LINGO2: variants seen among roughly 807,000 people sequenced by gnomAD.
LINGO2 encodes leucine-rich repeat and immunoglobulin-like domain-containing nogo receptor-interacting protein 2.
In LINGO2, 14 loss-of-function variants were observed where a neutral mutation model predicts 30.6. The observed-to-expected ratio is 0.46, with a 90% CI of 0.30 to 0.72. The LOEUF (loss-of-function observed/expected upper bound fraction) is 0.72. LINGO2 is among the 30% of genes least tolerant of loss of function. LINGO2 has a pLI of 0.07. For synonymous variants in LINGO2, 317 were observed against 288.5 expected, an observed-to-expected ratio of 1.10 and a Z score of -1.00; for missense variants, 729 against 751.7, an observed-to-expected ratio of 0.97 and a Z score of 0.35.
Position 27,956,299 on chromosome 9 carries a change from C to T in LINGO2, c.-35-5593G>A, listed in dbSNP as rs57091395. Among the ~76,000 whole-genome samples, 824 of 152,198 alleles carry T rather than the reference C, an allele frequency of 5.4e-3. 8 individuals are homozygous for T. The highest frequency in any genetic ancestry group is 0.019 in the African/African-American group (785 of 41,528). On this transcript the variant is annotated intron_variant, in intron 5 of 5. Coordinates refer to ENST00000379992, the Ensembl canonical transcript of LINGO2. ...GACTATATTATCTCTTTGCATTTTC[C>T]TCATAACTAGTGATGCTGAGCATCT...
chr9:28,350,652 A>AC (rs1819830812), intron 3 of LINGO2, among the ~76,000 whole-genome samples: 1 of 151,794 alleles, frequency 6.6e-6, no homozygotes, highest in African/African-American at 2.4e-5. Flanking sequence ...AAGCGGACCT[A>AC]ATAGGCATCT....
Position 28,512,669 on chromosome 9 carries a change from A to ATATCTATCTATC in LINGO2, c.-364-36656_-364-36645dup, listed in dbSNP as rs35627400. ...TACATACACACACACACACATATGG[A>ATATCTATCTATC]TATCTATCTATCTATCTATCTATCT... On this transcript the variant is annotated intron_variant, in intron 1 of 5. Coordinates refer to ENST00000379992, the Ensembl canonical transcript of LINGO2. Among the ~76,000 whole-genome samples the ATATCTATCTATC allele has an allele frequency of 7.2e-3, 920 of 126,938 alleles. 12 individuals are homozygous for ATATCTATCTATC. Among genetic ancestry groups the ATATCTATCTATC allele is most frequent in the Middle Eastern group, 0.012 (3 of 250 alleles). The allele number at this position is 126,938 out of a possible 152,430, so 83.3% of individuals were successfully genotyped here. A position where few individuals can be genotyped will look rare whatever the true frequency, so the allele number is the denominator to read the frequency against.
the LINGO2 span, among the ~76,000 whole-genome samples, chr9:29,201,562 C>G: frequency 6.6e-6 from 1 of 151,936 alleles, no homozygotes; most frequent in Non-Finnish European, 1.5e-5. Context: ...AAATCAAACT[C>G]ATATTATATT....
At chr9:28,034,335 G>A (rs1419927077) in intron 4 of LINGO2, among the ~76,000 whole-genome samples, 1 of 152,196 alleles carries the variant, frequency 6.6e-6, no homozygotes, top group Non-Finnish European at 1.5e-5. Flanking sequence ...TTGTGATCTT[G>A]TTCCCTCTTA....
rs145182640 is a variant in LINGO2 at position 28,064,404 on chromosome 9, C to T, written c.-86-51999G>A. Among the ~76,000 whole-genome samples the T allele has an allele frequency of 1.7e-3, 266 of 152,098 alleles. 1 individual carries two copies. Among genetic ancestry groups the T allele is most frequent in the African/African-American group, 6.3e-3 (260 of 41,504 alleles). On this transcript the variant is annotated intron_variant, in intron 4 of 5. Coordinates refer to ENST00000379992, the Ensembl canonical transcript of LINGO2. ...AAGTCCTCTCTGAGCAGAAATGGGA[C>T]GAAGCCAGGCAGGTCTGCATTGACG...
chr9:28,333,283 T>C (rs1825484970), intron 3 of LINGO2, among the ~76,000 whole-genome samples: 1 of 152,218 alleles, frequency 6.6e-6, no homozygotes, highest in Non-Finnish European at 1.5e-5. Context: ...ATAAAAAATA[T>C]CTACAGTTGC....
chr9:28,844,474 T>G, the LINGO2 span, among the ~76,000 whole-genome samples: 1 of 151,910 alleles, frequency 6.6e-6, no homozygotes, highest in East Asian at 1.9e-4. Flanking sequence ...TTTTAAACAT[T>G]GGATAAAAAG....
intron 4 of LINGO2, among the ~76,000 whole-genome samples, chr9:28,219,741 C>T (rs1217224470): frequency 6.6e-6 from 1 of 152,082 alleles, no homozygotes; most frequent in African/African-American, 2.4e-5. Flanking sequence ...AAAGTATGTT[C>T]TATTGAACAG....
At chr9:28,357,921 C>T (rs868383974) in intron 3 of LINGO2, among the ~76,000 whole-genome samples, 2 of 151,714 alleles carry the variant, frequency 1.3e-5, no homozygotes, top group Non-Finnish European at 2.9e-5. Context: ...CAAATAAATC[C>T]AACAATTTAA....
intron 3 of LINGO2, among the ~76,000 whole-genome samples, chr9:28,315,877 G>A (rs769214011): frequency 5.3e-5 from 8 of 152,104 alleles, no homozygotes; most frequent in Non-Finnish European, 7.4e-5. Context: ...TAATAATAGC[G>A]TAAGATTTGT....
chr9:28,813,131 G>C, the LINGO2 span, among the ~76,000 whole-genome samples: 1 of 150,382 alleles, frequency 6.6e-6, no homozygotes, highest in South Asian at 2.1e-4. Context: ...GAGCACTCCA[G>C]ATTTTGAGGT....
intron 3 of LINGO2, among the ~76,000 whole-genome samples, chr9:28,370,391 G>A (rs1820847363): frequency 2.6e-5 from 4 of 152,006 alleles, no homozygotes; most frequent in Middle Eastern, 3.4e-3. Context: ...ATCTTTCTTT[G>A]GTTTCTGGTT....
At chr9:28,994,835 G>C in the LINGO2 span, among the ~76,000 whole-genome samples, 2 of 152,162 alleles carry the variant, frequency 1.3e-5, no homozygotes, top group African/African-American at 2.4e-5. Context: ...GCTGAAACTG[G>C]ATCCCTTCCT....
the LINGO2 span, among the ~76,000 whole-genome samples, chr9:28,717,445 G>C: frequency 6.6e-6 from 1 of 151,862 alleles, no homozygotes; most frequent in Non-Finnish European, 1.5e-5. Flanking sequence ...GTAGGGGTGA[G>C]GTAAGTGGAG....
At chr9:28,977,801 GC>G in the LINGO2 span, among the ~76,000 whole-genome samples, 7 of 152,218 alleles carry the variant, frequency 4.6e-5, no homozygotes, top group East Asian at 5.8e-4. Flanking sequence ...TCAAAAAACT[GC>G]TTCTGACACA....
intron 2 of LINGO2, among the ~76,000 whole-genome samples, chr9:28,449,573 G>A (rs564384880): frequency 1.3e-4 from 20 of 152,046 alleles, no homozygotes; most frequent in East Asian, 3.9e-4. Context: ...CAAGTTACTC[G>A]TCTACTAAAG....
intron 4 of LINGO2, among the ~76,000 whole-genome samples, chr9:28,258,287 A>G (rs1000859442): frequency 6.6e-6 from 1 of 151,892 alleles, no homozygotes; most frequent in Non-Finnish European, 1.5e-5. Context: ...GTCATAGGAG[A>G]GGAGAAAAAT....
chr9:28,343,796 C>A (rs1819457072), intron 3 of LINGO2, among the ~76,000 whole-genome samples: 1 of 152,086 alleles, frequency 6.6e-6, no homozygotes, highest in South Asian at 2.1e-4. Context: ...TATCAGCTGC[C>A]ATTAGCTGTG....
chr9:28,336,363 AT>A (rs1402809203), intron 3 of LINGO2, among the ~76,000 whole-genome samples: 6 of 152,054 alleles, frequency 3.9e-5, no homozygotes, highest in Admixed American at 3.9e-4. Flanking sequence ...CAAGTTGGTA[AT>A]TTGTCTTTTC....
Sources: gnomAD v4.1 joint callset for allele counts (sites outside exome capture counted in the v4.1 genomes callset) on GRCh38, gnomAD v4.1.1 for gene constraint, MANE v1.5 for transcripts, NCBI Gene and HGNC (gene_info 2026-07-23, HGNC 2026-07-21) for gene names.